CASTOR2: variants seen among roughly 807,000 people sequenced by gnomAD.
The protein encoded by CASTOR2 is GATS protein like 2.
A neutral mutation model predicts 31.2 loss-of-function variants in CASTOR2; 8 were observed. The observed-to-expected ratio is 0.26, with a 90% CI of 0.15 to 0.46. CASTOR2 has a LOEUF of 0.46. CASTOR2 is among the 20% of genes least tolerant of loss of function. The pLI, the probability that CASTOR2 is intolerant of heterozygous loss-of-function variation, is 0.99. For synonymous variants in CASTOR2, 162 were observed against 158.7 expected (o/e 1.02, Z -0.16); for missense variants, 216 against 382.1 (o/e 0.57, Z 3.62).
intron 1 of CASTOR2, among the ~76,000 whole-genome samples, chr7:74,999,902 T>C (rs1387327324): frequency 3.7e-4 from 57 of 152,244 alleles, no homozygotes; most frequent in African/African-American, 1.4e-3. Flanking sequence ...CATGAGCCAC[T>C]GCGCCCGGCC....
Position 75,026,039 on chromosome 7 carries a change from C to T in CASTOR2, c.*1340C>T, listed in dbSNP as rs1223480692. Among the ~76,000 whole-genome samples the T allele has an allele frequency of 3.3e-5, 5 of 152,040 alleles. No individual in the cohort carries two copies. The highest frequency in any genetic ancestry group is 5.9e-5 in the Non-Finnish European group (4 of 68,014). On this transcript the variant is annotated 3_prime_UTR_variant, in exon 9 of 9. Transcript: ENST00000616305. ...GAGCACCGGAGGGGGTGAGGGAACCCGAGGGCCATGGGGAGGTGGACAGCC... is the reference window on the plus strand; with the variant it reads ...GAGCACCGGAGGGGGTGAGGGAACCTGAGGGCCATGGGGAGGTGGACAGCC...
chr7:74,999,601 C>CTTTT (rs1158456043), intron 1 of CASTOR2, among the ~76,000 whole-genome samples: 702 of 45,774 alleles, frequency 0.015, 172 homozygotes, highest in East Asian at 0.047. Context: ...TCACTCACTG[C>CTTTT]TTTTTTTTTT....
rs1039923069 is a variant in CASTOR2 at position 75,027,111 on chromosome 7, C to T, written c.*2412C>T. 11 of 152,246 alleles carry T rather than the reference C, an allele frequency of 7.2e-5. No homozygotes were observed. The East Asian group carries it at 1.2e-3, about 16-fold the overall frequency. The allele number at this position is 152,246 out of a possible 1,614,324, so 9.4% of individuals were successfully genotyped here. A position where few individuals can be genotyped will look rare whatever the true frequency, so the allele number is the denominator to read the frequency against. On this transcript the variant is annotated 3_prime_UTR_variant, in exon 9 of 9. Transcript: ENST00000616305. ...CACCCCGCACCGTCTGCCATACACG[C>T]GGGCACATTTGAGCCACCATATATT...
rs1363904156 is a variant in CASTOR2, at chr7:75,028,413, GC to G, written c.*3717del. On this transcript the variant is annotated 3_prime_UTR_variant, in exon 9 of 9. Transcript: ENST00000616305. ...TGGGATTACAGGCATGAGCCACCGT[GC>G]CCGGCCTCATGGAATTTCTAGGGGT... Among the ~76,000 whole-genome samples the G allele has an allele frequency of 1.3e-5, 2 of 152,072 alleles. No homozygotes were observed. The highest frequency in any genetic ancestry group is 6.6e-5 in the Admixed American group (1 of 15,258).
In CASTOR2 at chr7:75,017,695, C is replaced by T. The variant is rs1194582554; in HGVS notation, c.282C>T (p.Ile94=). ...GGGSFSSSQP[I]GVTKIAKSVI... ...GCAGCTTCTCCAGCTCCCAGCCCAT[C>T]GGCGTGACCAAGATCGCCAAGTCAG... Residue 94 remains isoleucine (I), a synonymous_variant, in exon 3 of 9, where the codon ATC becomes ATT. Coordinates refer to ENST00000616305, the MANE Select transcript of CASTOR2 (RefSeq NM_001145064.3). The T allele has an allele frequency of 5.0e-6, 8 of 1,614,044 alleles. No individual in the cohort carries two copies. Among genetic ancestry groups the T allele is most frequent in the Admixed American group, 3.3e-5 (2 of 60,020 alleles).
chr7:75,016,195 C>T (rs1186565365), intron 2 of CASTOR2, among the ~76,000 whole-genome samples: 4 of 152,278 alleles, frequency 2.6e-5, no homozygotes, highest in Middle Eastern at 3.4e-3. Flanking sequence ...TGAAGAGCCC[C>T]GAATGCAGCC....
In CASTOR2 at chr7:75,020,167, G is replaced by A; in HGVS notation, c.746+18G>A. ...CAGCAGAGGTGAGCCAGGCCCTGGG[G>A]TGGACGTTCAACCCAGGGTGGGCCC... On this transcript the variant is annotated intron_variant, in intron 6 of 8. Transcript: ENST00000616305. 1.3e-6 allele frequency: 2 copies of A among 1,550,102 alleles called. No homozygotes were observed. Among genetic ancestry groups the A allele is most frequent in the Non-Finnish European group, 1.7e-6 (2 of 1,145,636 alleles).
At chr7:75,002,530 A>T (rs1384451727) in intron 1 of CASTOR2, among the ~76,000 whole-genome samples, 1 of 152,108 alleles carries the variant, frequency 6.6e-6, no homozygotes, top group Admixed American at 6.6e-5. Flanking sequence ...CTGAGGCTGG[A>T]GAATCTCTTG....
At chr7:74,995,103 A>G (rs1172025614) in intron 1 of CASTOR2, among the ~76,000 whole-genome samples, 2 of 152,128 alleles carry the variant, frequency 1.3e-5, no homozygotes, top group Non-Finnish European at 2.9e-5. Context: ...GAGGTCACTG[A>G]TGAACGGAGC....
rs1390646615 is a variant in CASTOR2, at chr7:75,017,662, C to A, written c.249C>A (p.Ser83=). The A allele has an allele frequency of 8.9e-5, 144 of 1,614,026 alleles. No individual in the cohort carries two copies. The African/African-American group carries it at 1.8e-3, about 20-fold the overall frequency. Residue 83 remains serine, a synonymous_variant, in exon 3 of 9, where the codon TCC becomes TCA. Transcript: ENST00000616305. ...CCTGGCTGGCCCTGAACGTGGTGTC[C>A]GGCGGTGGCAGCTTCTCCAGCTCCC... is the stretch of plus-strand genomic sequence containing the variant. ...DATWLALNVV[S]GGGSFSSSQP...
At chr7:74,978,104 A>ATT (rs4029892) in intron 1 of CASTOR2, among the ~76,000 whole-genome samples, 20 of 137,028 alleles carry the variant, frequency 1.5e-4, no homozygotes, top group Admixed American at 1.5e-4. Flanking sequence ...GCACACCCCA[A>ATT]TTTTTTTTTT....
chr7:75,014,931 T>C (rs1339872362), intron 2 of CASTOR2, among the ~76,000 whole-genome samples: 5 of 152,358 alleles, frequency 3.3e-5, no homozygotes, highest in Middle Eastern at 3.4e-3. Flanking sequence ...AGAGCCAGGA[T>C]TGGCCCCTCG....
intron 2 of CASTOR2, among the ~76,000 whole-genome samples, chr7:75,017,303 T>C (rs1288613596): frequency 0.24 from 36,513 of 151,864 alleles, 6,694 homozygotes; most frequent in African/African-American, 0.52. Context: ...AAAAATTAGC[T>C]GGGCGTGGTG....
chr7:75,017,519 C>T (rs1390757871), intron 2 of CASTOR2, 79 bp from the exon 3 acceptor site: 21 of 1,521,512 alleles, frequency 1.4e-5, no homozygotes, highest in African/African-American at 2.7e-5. Flanking sequence ...TCACTCTCCA[C>T]CTCTGGCCTG....
In CASTOR2 at chr7:74,975,201, C is replaced by T. The variant is rs587661136; in HGVS notation, c.113+10103C>T. Among the ~76,000 whole-genome samples, 129 of 151,498 alleles carry T rather than the reference C, an allele frequency of 8.5e-4. 2 individuals are homozygous for T. The highest frequency in any genetic ancestry group is 2.9e-3 in the African/African-American group (120 of 41,324). Reference sequence around the variant, plus strand: ...CAGGCTGGTCTTGAACTCCTGACCTCAAGTGATCTGCCCGCCTTGGCCTCC... The same window carrying T: ...CAGGCTGGTCTTGAACTCCTGACCTTAAGTGATCTGCCCGCCTTGGCCTCC... On this transcript the variant is annotated intron_variant, in intron 1 of 8. Transcript: ENST00000616305.
intron 1 of CASTOR2, among the ~76,000 whole-genome samples, chr7:75,007,670 C>T (rs1196715016): frequency 6.6e-6 from 1 of 152,108 alleles, no homozygotes; most frequent in Non-Finnish European, 1.5e-5. Context: ...ACTGGAGCCA[C>T]CCTTCGGCCA....
At chr7:75,017,485 C>T in intron 2 of CASTOR2, 113 bp from the exon 3 acceptor site, 1 of 1,279,176 alleles carries the variant, frequency 7.8e-7, no homozygotes, top group Non-Finnish European at 1.1e-6. Context: ...AGGCAAGGCA[C>T]AGGGTGGAGC....
At chr7:74,994,113 G>A (rs1293931562) in intron 1 of CASTOR2, among the ~76,000 whole-genome samples, 2 of 152,220 alleles carry the variant, frequency 1.3e-5, no homozygotes, top group African/African-American at 2.4e-5. Flanking sequence ...ACAGGCAGCC[G>A]CAGCGATTGA....
chr7:74,974,345 C>T (rs1264026830), intron 1 of CASTOR2, among the ~76,000 whole-genome samples: 9 of 149,634 alleles, frequency 6.0e-5, no homozygotes, highest in South Asian at 2.1e-4. Context: ...TGATAGGAAG[C>T]GCGAAAGGAG....
Sources: gnomAD v4.1 joint callset for allele counts (sites outside exome capture counted in the v4.1 genomes callset) on GRCh38, gnomAD v4.1.1 for gene constraint, MANE v1.5 for transcripts, NCBI Gene and HGNC (gene_info 2026-07-23, HGNC 2026-07-21) for gene names.